The following BOC variants were observed in gnomAD, a reference collection of about 807,000 sequenced individuals.
BOC encodes brother of CDO.
In BOC, 76 loss-of-function variants were observed where a neutral mutation model predicts 112.0. The ratio of observed to expected loss-of-function variants is 0.68; its 90% confidence interval spans 0.56 to 0.82. The LOEUF (loss-of-function observed/expected upper bound fraction) is 0.82. Ranked by LOEUF, BOC falls within the 40% of genes least tolerant of loss-of-function variation. BOC has a pLI of 0.00. For synonymous variants in BOC, 580 were observed against 599.8 expected, an observed-to-expected ratio of 0.97 and a Z score of 0.48; for missense variants, 1,309 against 1,511.7, an observed-to-expected ratio of 0.87 and a Z score of 2.22.
chr3:113,247,875 C>G (rs1945127773), intron 2 of BOC, among the ~76,000 whole-genome samples: 2 of 152,078 alleles, frequency 1.3e-5, no homozygotes, highest in African/African-American at 4.8e-5. Context: ...AAAGCTCTCT[C>G]TCTACACCAA....
rs1453728757 is a variant in BOC, at chr3:113,255,110, A to G, written c.376+4277A>G. 3.9e-5 allele frequency among the ~76,000 whole-genome samples: 6 copies of G among 152,182 alleles called. No individual in the cohort carries two copies. In the East Asian group the frequency reaches 1.2e-3, roughly 29 times the overall value. On this transcript the variant is annotated intron_variant, in intron 4 of 19. Coordinates refer to ENST00000682979, the MANE Select transcript of BOC (RefSeq NM_001378074.1). ...ATTTCCTATTTAACCTAAACTTTAA[A>G]AAAAAAAGAAAAACTTTCTTGCTGC...
intron 2 of BOC, among the ~76,000 whole-genome samples, chr3:113,248,491 T>C (rs772406596): frequency 6.6e-6 from 1 of 152,226 alleles, no homozygotes; most frequent in Admixed American, 6.5e-5. Flanking sequence ...ATACTATTAA[T>C]ATTGCCACAG....
chr3:113,237,687 C>T (rs2107781511), intron 2 of BOC, among the ~76,000 whole-genome samples: 1 of 152,346 alleles, frequency 6.6e-6, no homozygotes, highest in East Asian at 1.9e-4. Context: ...GGATTGCCCA[C>T]ACTGACGTGG....
At chr3:113,216,841 T>A (rs1489518337) in intron 2 of BOC, among the ~76,000 whole-genome samples, 2 of 152,088 alleles carry the variant, frequency 1.3e-5, no homozygotes, top group Non-Finnish European at 2.9e-5. Flanking sequence ...TTAACCTAAT[T>A]CAGTTGCCAG....
chr3:113,248,533 GTTGCC>G (rs1945220630), intron 2 of BOC, among the ~76,000 whole-genome samples: 2 of 152,210 alleles, frequency 1.3e-5, no homozygotes, highest in South Asian at 4.1e-4. Flanking sequence ...TCACTGGAAT[GTTGCC>G]TTCAACGTTA....
At chr3:113,249,084 A>G (rs1945297601) in intron 2 of BOC, among the ~76,000 whole-genome samples, 1 of 152,158 alleles carries the variant, frequency 6.6e-6, no homozygotes, top group Non-Finnish European at 1.5e-5. Context: ...GTTATGGACA[A>G]GCTGAGGAGA....
intron 2 of BOC, among the ~76,000 whole-genome samples, chr3:113,232,053 A>T (rs558602669): frequency 3.3e-5 from 5 of 151,858 alleles, no homozygotes; most frequent in African/African-American, 9.7e-5. Flanking sequence ...CAGCAGGGGG[A>T]TCCTCTTTGC....
In BOC at chr3:113,277,036, T is replaced by G. The variant is rs3894702; in HGVS notation, c.1543-1059T>G. 6.9e-3 allele frequency among the ~76,000 whole-genome samples: 1,044 copies of G among 152,330 alleles called. 11 individuals are homozygous for G. The highest frequency in any genetic ancestry group is 0.024 in the African/African-American group (986 of 41,572). ...ACCTGTTGGGGAGCCTGGAGCTCCCTTACTTTTTCCTTTAAAGAGCTAGGA... is the reference window on the plus strand; with the variant it reads ...ACCTGTTGGGGAGCCTGGAGCTCCCGTACTTTTTCCTTTAAAGAGCTAGGA... On this transcript the variant is annotated intron_variant, in intron 9 of 19. Coordinates refer to ENST00000682979, the MANE Select transcript of BOC (RefSeq NM_001378074.1).
chr3:113,231,489 A>G (rs1942607101), intron 2 of BOC, among the ~76,000 whole-genome samples: 1 of 152,202 alleles, frequency 6.6e-6, no homozygotes, highest in Non-Finnish European at 1.5e-5. Context: ...TATTTGGTGA[A>G]GGTCTCATCA....
chr3:113,257,098 A>C (rs1329374690), intron 4 of BOC, among the ~76,000 whole-genome samples: 1 of 152,168 alleles, frequency 6.6e-6, no homozygotes, highest in African/African-American at 2.4e-5. Context: ...GAAATACACC[A>C]CCTGCCTGGA....
chr3:113,232,917 T>C (rs1559816387), intron 2 of BOC, among the ~76,000 whole-genome samples: 1 of 152,210 alleles, frequency 6.6e-6, no homozygotes, highest in Non-Finnish European at 1.5e-5. Context: ...TGTTGTCCTG[T>C]GCCAAACTGT....
At chr3:113,241,611 G>A (rs1944307108) in intron 2 of BOC, among the ~76,000 whole-genome samples, 1 of 152,176 alleles carries the variant, frequency 6.6e-6, no homozygotes, top group Non-Finnish European at 1.5e-5. Flanking sequence ...CAGAAAGAAA[G>A]TGGGAAACAG....
At chr3:113,250,957 A>T in intron 4 of BOC, 124 bp downstream of exon 4, 3 of 1,257,050 alleles carry the variant, frequency 2.4e-6, no homozygotes, top group Non-Finnish European at 3.3e-6. Flanking sequence ...AACTGCAGAA[A>T]TGTCAAATCA....
chr3:113,232,588 TGTGCACAC>T (rs1350073061), intron 2 of BOC, among the ~76,000 whole-genome samples: 1 of 144,852 alleles, frequency 6.9e-6, no homozygotes, highest in Non-Finnish European at 1.5e-5. Context: ...TGTGTGTGTG[TGTGCACAC>T]GTGCACATGC....
intron 4 of BOC, among the ~76,000 whole-genome samples, chr3:113,256,375 C>T (rs915324842): frequency 2.6e-5 from 4 of 152,222 alleles, no homozygotes; most frequent in Non-Finnish European, 4.4e-5. Flanking sequence ...CCACCCCAGC[C>T]GCCTTCAGGA....
At chr3:113,277,584 G>A (rs919648870) in intron 9 of BOC, among the ~76,000 whole-genome samples, 8 of 152,206 alleles carry the variant, frequency 5.3e-5, no homozygotes, top group African/African-American at 1.9e-4. Context: ...GCTATTTTGA[G>A]GAAAAGGAAG....
Position 113,279,272 on chromosome 3 carries a change from A to G in BOC, c.1840A>G (p.Thr614Ala), listed in dbSNP as rs1948962529. Residue 614 changes from threonine (T) to alanine (A), a missense_variant, in exon 12 of 20, where the codon ACC (threonine) becomes GCC (alanine). Thr to Ala is a moderately conservative substitution (Grantham distance 58). Transcript: ENST00000682979. ...LSPPEAPDRP[T>A]ISTASETSVY... ...AGCCCCAGAAGCTCCCGACAGGCCCACCATCTCCACGGCCTCCGAGACCTC... is the reference window on the plus strand; with the variant it reads ...AGCCCCAGAAGCTCCCGACAGGCCCGCCATCTCCACGGCCTCCGAGACCTC... The G allele has an allele frequency of 1.2e-6, 2 of 1,613,866 alleles. No individual in the cohort carries two copies. Among genetic ancestry groups the G allele is most frequent in the East Asian group, 2.2e-5 (1 of 44,852 alleles).
At chr3:113,265,999 G>A (rs113186258) in intron 4 of BOC, among the ~76,000 whole-genome samples, 84 of 152,342 alleles carry the variant, frequency 5.5e-4, no homozygotes, top group African/African-American at 1.8e-3. Flanking sequence ...TTCTCACCAG[G>A]AATTTATCGT....
intron 4 of BOC, among the ~76,000 whole-genome samples, chr3:113,268,006 C>T (rs1239077931): frequency 6.6e-6 from 1 of 152,202 alleles, no homozygotes; most frequent in Non-Finnish European, 1.5e-5. Flanking sequence ...CCAACTTGCC[C>T]CCACATCTCA....
Sources: allele counts gnomAD v4.1 joint callset (sites outside exome capture counted in the v4.1 genomes callset), GRCh38; gene constraint gnomAD v4.1.1; transcripts MANE v1.5; gene names NCBI Gene and HGNC (gene_info 2026-07-23, HGNC 2026-07-21).